The following PLCXD3 variants were observed in gnomAD, a reference collection of about 807,000 sequenced individuals.
PLCXD3 encodes phosphatidylinositol specific phospholipase C X domain containing 3.
PLCXD3 carries 19 observed loss-of-function variants against 25.5 expected under a neutral mutation model. That is an observed-to-expected ratio of 0.75 (90% CI 0.52 to 1.09). PLCXD3 has a LOEUF of 1.09. Among genes scored for constraint, PLCXD3 ranks in the 50% least tolerant of loss-of-function variants. The probability of loss-of-function intolerance (pLI) is 0.00; values close to 1 mark genes in which losing one functional copy is unlikely to be tolerated. For missense variants in PLCXD3, 411 were observed against 388.1 expected (o/e 1.06, Z -0.50); for synonymous variants, 174 against 137.6 (o/e 1.26, Z -1.85).
At chr5:41,428,807 T>G (rs886376144) in intron 1 of PLCXD3, among the ~76,000 whole-genome samples, 1 of 152,164 alleles carries the variant, frequency 6.6e-6, no homozygotes, top group African/African-American at 2.4e-5. Flanking sequence ...TTAGAGACGC[T>G]TCATGCACTG....
chr5:41,497,630 C>G (rs1034042704), intron 1 of PLCXD3, among the ~76,000 whole-genome samples: 10 of 151,804 alleles, frequency 6.6e-5, no homozygotes, highest in Non-Finnish European at 1.5e-4. Flanking sequence ...ATCATCCAGA[C>G]AGAAAATCAT....
At chr5:41,349,966 A>G (rs1744405816) in intron 2 of PLCXD3, among the ~76,000 whole-genome samples, 1 of 151,726 alleles carries the variant, frequency 6.6e-6, no homozygotes, top group Non-Finnish European at 1.5e-5. Context: ...ATTTTGTTGC[A>G]GAAAATTGTA....
chr5:41,477,971 A>G (rs1162742819), intron 1 of PLCXD3, among the ~76,000 whole-genome samples: 3 of 152,222 alleles, frequency 2.0e-5, no homozygotes, highest in African/African-American at 7.2e-5. Flanking sequence ...AGAATTAGTG[A>G]CAGACATATA....
At chr5:41,334,750 A>G (rs1177738613) in intron 2 of PLCXD3, among the ~76,000 whole-genome samples, 2 of 152,064 alleles carry the variant, frequency 1.3e-5, no homozygotes, top group Non-Finnish European at 1.5e-5. Flanking sequence ...GTTCATATAA[A>G]CTACAAGAAA....
At chr5:41,460,957 A>G (rs1221438618) in intron 1 of PLCXD3, among the ~76,000 whole-genome samples, 3 of 151,868 alleles carry the variant, frequency 2.0e-5, no homozygotes, top group Admixed American at 6.6e-5. Context: ...TTACATTTTT[A>G]TATTTTAGAA....
intron 1 of PLCXD3, among the ~76,000 whole-genome samples, chr5:41,477,948 A>G (rs1368963893): frequency 3.3e-5 from 5 of 152,186 alleles, no homozygotes; most frequent in Admixed American, 3.3e-4. Flanking sequence ...CTCTGCCAGG[A>G]GTAGAGATTT....
intron 1 of PLCXD3, among the ~76,000 whole-genome samples, chr5:41,392,692 T>C (rs960258864): frequency 3.3e-5 from 5 of 152,146 alleles, no homozygotes; most frequent in African/African-American, 1.2e-4. Context: ...CCAGGAAAAC[T>C]TGACCTCACC....
chr5:41,487,001 T>C (rs1748532857), intron 1 of PLCXD3, among the ~76,000 whole-genome samples: 1 of 151,990 alleles, frequency 6.6e-6, no homozygotes, highest in Non-Finnish European at 1.5e-5. Flanking sequence ...ATAATTAGAA[T>C]GCGAATTTAA....
intron 1 of PLCXD3, among the ~76,000 whole-genome samples, chr5:41,414,264 C>T (rs1443044259): frequency 1.3e-5 from 2 of 151,236 alleles, no homozygotes; most frequent in South Asian, 2.1e-4. Flanking sequence ...GATGGAGTTT[C>T]GCTCTTGTTG....
chr5:41,348,620 A>G (rs1744367103), intron 2 of PLCXD3, among the ~76,000 whole-genome samples: 1 of 152,150 alleles, frequency 6.6e-6, no homozygotes, highest in Non-Finnish European at 1.5e-5. Flanking sequence ...ACTTACAAAT[A>G]CAGAAAATTA....
rs1039396757 is a variant in PLCXD3, at chr5:41,313,267, G to T, written c.*350C>A. The T allele has an allele frequency of 1.4e-5, 3 of 208,632 alleles. No individual in the cohort carries two copies. The highest frequency in any genetic ancestry group is 7.1e-5 in the African/African-American group (3 of 42,114). 12.9% of individuals were successfully genotyped at this position (208,632 alleles called of 1,614,324 possible). A position where few individuals can be genotyped will look rare whatever the true frequency, so the allele number is the denominator to read the frequency against. On this transcript the variant is annotated 3_prime_UTR_variant, in exon 3 of 3. Transcript: ENST00000377801. ...AGAGAGGGAGCAGAAAGGTTGCAGG[G>T]TATAGACAGCGTAGGAGTCATAGGC...
chr5:41,375,597 C>A (rs1446039632), intron 2 of PLCXD3, among the ~76,000 whole-genome samples: 1 of 152,128 alleles, frequency 6.6e-6, no homozygotes, highest in Non-Finnish European at 1.5e-5. Context: ...CCTTCATGTT[C>A]TATGTCAATG....
At chr5:41,435,212 A>G (rs1405818972) in intron 1 of PLCXD3, among the ~76,000 whole-genome samples, 2 of 152,206 alleles carry the variant, frequency 1.3e-5, no homozygotes, top group Non-Finnish European at 2.9e-5. Flanking sequence ...CTCCAATTCA[A>G]AAAATGTACA....
chr5:41,476,521 C>T (rs980711422), intron 1 of PLCXD3, among the ~76,000 whole-genome samples: 1 of 152,170 alleles, frequency 6.6e-6, no homozygotes, highest in African/African-American at 2.4e-5. Flanking sequence ...TTCTGGTTGG[C>T]AACATCTTAT....
chr5:41,439,172 C>A (rs899171535), intron 1 of PLCXD3, among the ~76,000 whole-genome samples: 4 of 152,106 alleles, frequency 2.6e-5, no homozygotes, highest in African/African-American at 9.7e-5. Flanking sequence ...ATTTTAATTT[C>A]CTGCATGGGT....
intron 1 of PLCXD3, among the ~76,000 whole-genome samples, chr5:41,470,180 A>G (rs1248865982): frequency 6.6e-6 from 1 of 152,218 alleles, no homozygotes; most frequent in African/African-American, 2.4e-5. Flanking sequence ...GGGGGGTGGC[A>G]GTTAAAAAAC....
intron 2 of PLCXD3, among the ~76,000 whole-genome samples, chr5:41,334,259 T>TAAG (rs1267957971): frequency 6.7e-6 from 1 of 150,174 alleles, no homozygotes; most frequent in Non-Finnish European, 1.5e-5. Flanking sequence ...GATAATACTT[T>TAAG]GGGGTTACTA....
At chr5:41,410,893 AC>A (rs1746498597) in intron 1 of PLCXD3, among the ~76,000 whole-genome samples, 1 of 152,084 alleles carries the variant, frequency 6.6e-6, no homozygotes, top group South Asian at 2.1e-4. Flanking sequence ...TTTTTATGCC[AC>A]CTTCTCCCCC....
At chr5:41,406,326 CCAT>C (rs1746349722) in intron 1 of PLCXD3, among the ~76,000 whole-genome samples, 1 of 152,054 alleles carries the variant, frequency 6.6e-6, no homozygotes, top group South Asian at 2.1e-4. Flanking sequence ...AATATTGATA[CCAT>C]CTAATTTGAC....
Sources: gnomAD v4.1 joint callset for allele counts (sites outside exome capture counted in the v4.1 genomes callset) on GRCh38, gnomAD v4.1.1 for gene constraint, MANE v1.5 for transcripts, NCBI Gene and HGNC (gene_info 2026-07-23, HGNC 2026-07-21) for gene names.